Variants in LANCL3 observed in about 807,000 individuals in gnomAD.
LANCL3 encodes LanC like family member 3.
Under a neutral mutation model 26.5 loss-of-function variants are expected in LANCL3, and 19 were observed. The ratio of observed to expected loss-of-function variants is 0.72; its 90% CI spans 0.50 to 1.05. LANCL3 has a LOEUF of 1.05. Among genes scored for constraint, LANCL3 ranks in the 50% least tolerant of loss-of-function variants. The probability of loss-of-function intolerance (pLI) is 0.00; values close to 1 mark genes in which losing one functional copy is unlikely to be tolerated. For missense variants in LANCL3, 318 were observed against 362.7 expected, an observed-to-expected ratio of 0.88 and a Z score of 1.00; for synonymous variants, 160 against 166.6, an observed-to-expected ratio of 0.96 and a Z score of 0.30.
chrX:37,620,532 A>C (rs1257159193), intron 1 of LANCL3, among the ~76,000 whole-genome samples: 32 of 112,121 alleles, frequency 2.9e-4, no homozygotes, highest in Non-Finnish European at 5.1e-4. Flanking sequence ...AAGCTGAAGC[A>C]AGTTGCAGAG....
At chrX:37,578,751 G>T (rs1233231721) in intron 1 of LANCL3, among the ~76,000 whole-genome samples, 1 of 110,263 alleles carries the variant, frequency 9.1e-6, no homozygotes, top group African/African-American at 3.3e-5. Context: ...AGGCCGAGGC[G>T]GGCAGATCAC....
intron 1 of LANCL3, among the ~76,000 whole-genome samples, chrX:37,597,983 A>G (rs1177386748): frequency 1.8e-5 from 2 of 110,508 alleles, no homozygotes; most frequent in Non-Finnish European, 3.8e-5. Flanking sequence ...ATGTCTACTC[A>G]GATACTTTGT....
intron 1 of LANCL3, among the ~76,000 whole-genome samples, chrX:37,653,804 A>G (rs1439340938): frequency 2.7e-5 from 3 of 111,617 alleles, no homozygotes; most frequent in African/African-American, 6.5e-5. Flanking sequence ...GGGATGCAGC[A>G]TAGGAAGATA....
chrX:37,637,786 T>A (rs73631190), intron 1 of LANCL3, among the ~76,000 whole-genome samples: 9,276 of 111,053 alleles, frequency 0.084, 969 homozygotes, highest in African/African-American at 0.29. Context: ...CTTCTGGGAA[T>A]GTCTGCCTAG....
At position 37,674,784 on chromosome X, in the gene LANCL3, T is replaced by C. The variant is rs183113695; in HGVS notation, c.1104-870T>C. On this transcript the variant is annotated intron_variant, in intron 4 of 4. Coordinates refer to ENST00000378619, the MANE Select transcript of LANCL3 (RefSeq NM_001170331.2). ...TAATTACCCTTTGTAAGACCCCCTA[T>C]GTAGTAGCAGTAACCTAAATTTATG... Among the ~76,000 whole-genome samples the C allele has an allele frequency of 1.4e-3, 154 of 111,138 alleles. 1 individual carries two copies. The highest frequency in any genetic ancestry group is 4.8e-3 in the African/African-American group (148 of 30,626).
intron 3 of LANCL3, 48 bp downstream of exon 3, chrX:37,659,707 G>A: frequency 9.2e-7 from 1 of 1,090,906 alleles, no homozygotes; most frequent in South Asian, 1.9e-5. Context: ...ATCTAGGTTA[G>A]CCACAGGGTG....
intron 1 of LANCL3, among the ~76,000 whole-genome samples, chrX:37,582,523 C>T (rs782398949): frequency 1.8e-5 from 2 of 112,377 alleles, no homozygotes; most frequent in East Asian, 2.8e-4. Flanking sequence ...TTGCATTCCT[C>T]TGATGGCCAG....
intron 3 of LANCL3, among the ~76,000 whole-genome samples, chrX:37,660,808 G>T (rs1268881179): frequency 1.8e-5 from 2 of 110,996 alleles, no homozygotes; most frequent in East Asian, 2.8e-4. Context: ...AATAATCCTT[G>T]AAAGTATAGT....
At chrX:37,625,258 C>T (rs184209818) in intron 1 of LANCL3, among the ~76,000 whole-genome samples, 35 of 111,831 alleles carry the variant, frequency 3.1e-4, no homozygotes, top group African/African-American at 1.1e-3. Context: ...TGTATTACAA[C>T]AACAAAAAGT....
intron 4 of LANCL3, 92 bp downstream of exon 4, chrX:37,667,581 A>T (rs781852021): frequency 4.6e-6 from 3 of 645,218 alleles, no homozygotes; most frequent in Middle Eastern, 5.6e-4. Context: ...TTTGAAAAGC[A>T]TAAAAATAAA....
In LANCL3 at chrX:37,679,775, A is replaced by T. The variant is rs1007693169; in HGVS notation, c.*3962A>T. 1 of 111,297 alleles carries T rather than the reference A, an allele frequency of 9.0e-6. No homozygotes were observed. Among genetic ancestry groups the T allele is most frequent in the East Asian group, 2.8e-4 (1 of 3,540 alleles). The allele number at this position is 111,297 out of a possible 1,213,427, so 9.2% of individuals were successfully genotyped here. ...TTGGTATAAATTTGGCAAGGAAAGC[A>T]AATGAGAAGGCAGGCAAAGGGGTGG... On this transcript the variant is annotated 3_prime_UTR_variant, in exon 5 of 5. Coordinates refer to ENST00000378619, the MANE Select transcript of LANCL3 (RefSeq NM_001170331.2).
intron 1 of LANCL3, among the ~76,000 whole-genome samples, chrX:37,638,167 CAA>C (rs1324212031): frequency 1.8e-5 from 2 of 111,323 alleles, no homozygotes; most frequent in African/African-American, 6.5e-5. Context: ...CCCATGTCAC[CAA>C]GAGAGAGAAC....
At chrX:37,576,284 AC>A (rs1267866706) in intron 1 of LANCL3, among the ~76,000 whole-genome samples, 4 of 111,805 alleles carry the variant, frequency 3.6e-5, no homozygotes, top group African/African-American at 1.3e-4. Context: ...ATGTATTTTC[AC>A]TTAACTTGGC....
Position 37,600,642 on chromosome X carries a change from T to C in LANCL3, c.573+28199T>C, listed in dbSNP as rs185961344. On this transcript the variant is annotated intron_variant, in intron 1 of 4. Coordinates refer to ENST00000378619, the MANE Select transcript of LANCL3 (RefSeq NM_001170331.2). ...GATGGGAATAATTAACACCCTGGTA[T>C]TGTAACCTGCTATGAACCTTATTAG... is the stretch of plus-strand genomic sequence containing the variant. 1.8e-4 allele frequency among the ~76,000 whole-genome samples: 20 copies of C among 112,056 alleles called. No homozygotes were observed. The Admixed American group carries it at 1.8e-3, about 10-fold the overall frequency.
chrX:37,590,148 C>G lies in LANCL3; in HGVS notation c.573+17705C>G, dbSNP rs782271210. 9.3e-4 allele frequency among the ~76,000 whole-genome samples: 105 copies of G among 112,478 alleles called. 1 individual carries two copies. The South Asian group carries it at 0.037, about 40-fold the overall frequency. ...ATAGGTGATGTTGGAATATTTGCTTCTTGCTCTGTTCCCCACTCCAACCCC... is the reference window on the plus strand; with the variant it reads ...ATAGGTGATGTTGGAATATTTGCTTGTTGCTCTGTTCCCCACTCCAACCCC... On this transcript the variant is annotated intron_variant, in intron 1 of 4. Transcript: ENST00000378619.
chrX:37,599,024 G>GT (rs782345901), intron 1 of LANCL3, among the ~76,000 whole-genome samples: 133 of 112,281 alleles, frequency 1.2e-3, no homozygotes, highest in Admixed American at 1.8e-3. Context: ...AAATTATGTA[G>GT]TTTTTTTATA....
chrX:37,680,186 G>C lies in LANCL3; in HGVS notation c.*4373G>C, dbSNP rs1212496549. On this transcript the variant is annotated 3_prime_UTR_variant, in exon 5 of 5. Transcript: ENST00000378619. ...GGCCTAGTAGTCAGATCACAAGTGAGTGTGGCTATTCATGAGAATAGGGTG... is the reference window on the plus strand; with the variant it reads ...GGCCTAGTAGTCAGATCACAAGTGACTGTGGCTATTCATGAGAATAGGGTG... 4 of 111,396 alleles carry C rather than the reference G, an allele frequency of 3.6e-5. No individual in the cohort carries two copies. The highest frequency in any genetic ancestry group is 1.3e-4 in the African/African-American group (4 of 30,672). The allele number at this position is 111,396 out of a possible 1,213,427, so 9.2% of individuals were successfully genotyped here. A position where few individuals can be genotyped will look rare whatever the true frequency, so the allele number is the denominator to read the frequency against.
intron 1 of LANCL3, among the ~76,000 whole-genome samples, chrX:37,623,085 T>C (rs1340029483): frequency 8.9e-6 from 1 of 112,348 alleles, no homozygotes; most frequent in African/African-American, 3.2e-5. Context: ...TGTTTTTAGC[T>C]AGGTACAGTT....
intron 1 of LANCL3, among the ~76,000 whole-genome samples, chrX:37,577,673 C>T (rs1325728327): frequency 8.9e-6 from 1 of 112,505 alleles, no homozygotes; most frequent in Non-Finnish European, 1.9e-5. Context: ...CAGTGCTTGG[C>T]ACATAGTAGC....
Sources: allele counts gnomAD v4.1 joint callset (sites outside exome capture counted in the v4.1 genomes callset), GRCh38; gene constraint gnomAD v4.1.1; transcripts MANE v1.5; gene names NCBI Gene and HGNC (gene_info 2026-07-23, HGNC 2026-07-21).